SEMA5A: variants seen among roughly 807,000 people sequenced by gnomAD.
The protein encoded by SEMA5A is semaphorin-5A.
SEMA5A carries 55 observed loss-of-function variants against 135.5 expected under a neutral mutation model. The ratio of observed to expected loss-of-function variants is 0.41; its 90% confidence interval spans 0.33 to 0.51. The LOEUF (loss-of-function observed/expected upper bound fraction) is 0.51, where lower values mean the gene tolerates loss of function less well. Ranked by LOEUF, SEMA5A falls within the 20% of genes least tolerant of loss-of-function variation. The pLI is 0.37. For synonymous variants in SEMA5A, 580 were observed against 546.5 expected (o/e 1.06, Z -0.85); for missense variants, 1,290 against 1,419.9 (o/e 0.91, Z 1.47).
chr5:9,424,174 G>GA (rs199716679), intron 2 of SEMA5A, among the ~76,000 whole-genome samples: 242 of 150,874 alleles, frequency 1.6e-3, no homozygotes, highest in Admixed American at 1.8e-3. Flanking sequence ...CTGATTGTGA[G>GA]AAAAAAAAAG....
intron 3 of SEMA5A, among the ~76,000 whole-genome samples, chr5:9,359,137 A>G (rs1754581701): frequency 6.6e-6 from 1 of 152,098 alleles, no homozygotes; most frequent in Non-Finnish European, 1.5e-5. Context: ...GGAATACCAC[A>G]GTAGCAGCTC....
chr5:9,054,045 C>G, intron 19 of SEMA5A, 42 bp downstream of exon 19: 1 of 1,558,404 alleles, frequency 6.4e-7, no homozygotes. Context: ...GGAAAGAGGC[C>G]AATTTGTCTG....
chr5:9,082,333 CT>C (rs1188603748), intron 16 of SEMA5A, among the ~76,000 whole-genome samples: 4 of 152,168 alleles, frequency 2.6e-5, no homozygotes, highest in Non-Finnish European at 5.9e-5. Flanking sequence ...GGAAAATTGT[CT>C]AAAATATCCA....
chr5:9,536,050 A>T (rs1737747098), intron 1 of SEMA5A, among the ~76,000 whole-genome samples: 1 of 152,174 alleles, frequency 6.6e-6, no homozygotes, highest in Admixed American at 6.5e-5. Flanking sequence ...AGCAGCTTGA[A>T]TCCCACAGCA....
rs191808384 is a variant in SEMA5A at position 9,334,586 on chromosome 5, C to T, written c.224+3127G>A. ...CTCACGGGTTATTTTATTTCATCTTCGCAACAGCTGAAAGGGGTAGAAATT... is the reference window on the plus strand; with the variant it reads ...CTCACGGGTTATTTTATTTCATCTTTGCAACAGCTGAAAGGGGTAGAAATT... On this transcript the variant is annotated intron_variant, in intron 4 of 22. Coordinates refer to ENST00000382496, the MANE Select transcript of SEMA5A (RefSeq NM_003966.3). Among the ~76,000 whole-genome samples the T allele has an allele frequency of 3.3e-4, 51 of 152,294 alleles. No individual in the cohort carries two copies. In the East Asian group the frequency reaches 6.4e-3, roughly 19 times the overall value.
At chr5:9,378,507 C>A (rs796539155) in intron 3 of SEMA5A, among the ~76,000 whole-genome samples, 2 of 152,144 alleles carry the variant, frequency 1.3e-5, no homozygotes, top group South Asian at 4.1e-4. Context: ...AAGATCCAAA[C>A]CTGGATCTCA....
chr5:9,457,498 A>G (rs933544728), intron 1 of SEMA5A, among the ~76,000 whole-genome samples: 115 of 152,344 alleles, frequency 7.5e-4, no homozygotes, highest in African/African-American at 2.6e-3. Context: ...TATTATTATC[A>G]TCATAACAAA....
rs1226653130 is a variant in SEMA5A at position 9,202,010 on chromosome 5, T to A, written c.877A>T (p.Ser293Cys). 1 of 1,614,070 alleles carries A rather than the reference T, an allele frequency of 6.2e-7. No homozygotes were observed. Among genetic ancestry groups the A allele is most frequent in the Non-Finnish European group, 8.5e-7 (1 of 1,180,024 alleles). The change falls in exon 9 of 23, where the codon AGT becomes TGT. Residue 293 changes from serine (S) to cysteine (C), a missense_variant. This residue lies in a region of SEMA5A where 1,029 missense variants were observed against 1,086.6 expected (regional missense o/e 0.95). Transcript: ENST00000382496. ...EVPFYYNELQSTFFLPELDLI... is the reference protein window; with the variant it reads ...EVPFYYNELQCTFFLPELDLI... The stretch of plus-strand genomic sequence containing the variant: ...TCCAGCTCAGGCAGGAAGAAAGTAC[T>A]CTGCAATTCGTTGTAGTAAAAGGGG...
At position 9,154,469 on chromosome 5, in the gene SEMA5A, G is replaced by A; in HGVS notation, c.1481+19C>T. 1 of 1,610,512 alleles carries A rather than the reference G, an allele frequency of 6.2e-7. No homozygotes were observed. Among genetic ancestry groups the A allele is most frequent in the Non-Finnish European group, 8.5e-7 (1 of 1,178,772 alleles). On this transcript the variant is annotated intron_variant, in intron 12 of 22. Transcript: ENST00000382496. ...CTTCACACACACACCAGTGCATCCT[G>A]ACCCCGGAGATGCCCTACCTGCGTG...
At chr5:9,275,304 G>A (rs1750199606) in intron 5 of SEMA5A, among the ~76,000 whole-genome samples, 2 of 151,454 alleles carry the variant, frequency 1.3e-5, no homozygotes, top group African/African-American at 4.8e-5. Context: ...TCCTTGAGTA[G>A]ACCAATAACA....
chr5:9,255,827 T>C (rs192447858), intron 5 of SEMA5A, among the ~76,000 whole-genome samples: 9 of 152,308 alleles, frequency 5.9e-5, no homozygotes, highest in Admixed American at 5.2e-4. Context: ...CCTGGGTATA[T>C]TCCTTGGCAT....
intron 2 of SEMA5A, among the ~76,000 whole-genome samples, chr5:9,418,114 C>G (rs1167279516): frequency 6.6e-6 from 1 of 151,936 alleles, no homozygotes; most frequent in Non-Finnish European, 1.5e-5. Context: ...GTAGCTGGGA[C>G]TACAGGTGCC....
At chr5:9,085,256 A>T (rs561299848) in intron 16 of SEMA5A, among the ~76,000 whole-genome samples, 1 of 152,244 alleles carries the variant, frequency 6.6e-6, no homozygotes, top group Non-Finnish European at 1.5e-5. Context: ...AAAAATTTGC[A>T]TAAGTAACAA....
At chr5:9,085,429 G>A (rs927442425) in intron 16 of SEMA5A, among the ~76,000 whole-genome samples, 11 of 152,262 alleles carry the variant, frequency 7.2e-5, no homozygotes, top group African/African-American at 1.9e-4. Context: ...CTAAGGACTC[G>A]GTGTCCTGCA....
intron 2 of SEMA5A, among the ~76,000 whole-genome samples, chr5:9,406,282 T>A (rs1463309522): frequency 2.0e-5 from 3 of 152,212 alleles, no homozygotes; most frequent in African/African-American, 7.2e-5. Context: ...AAAGAAAAGA[T>A]AACACAGGCT....
chr5:9,291,286 C>G (rs971273872), intron 5 of SEMA5A, among the ~76,000 whole-genome samples: 21 of 152,274 alleles, frequency 1.4e-4, no homozygotes, highest in Non-Finnish European at 2.9e-4. Flanking sequence ...AGCAGCATGT[C>G]CCCCACAGGC....
chr5:9,495,137 G>A (rs1366324804), intron 1 of SEMA5A, among the ~76,000 whole-genome samples: 1 of 152,114 alleles, frequency 6.6e-6, no homozygotes, highest in African/African-American at 2.4e-5. Context: ...CATTATTTTA[G>A]GTAAAACAAA....
chr5:9,448,124 C>T (rs911621307), intron 1 of SEMA5A, among the ~76,000 whole-genome samples: 2 of 152,178 alleles, frequency 1.3e-5, no homozygotes, highest in African/African-American at 4.8e-5. Flanking sequence ...AAAAATTCAA[C>T]CCAGGAACTT....
chr5:9,249,119 C>T (rs12716206), intron 5 of SEMA5A, among the ~76,000 whole-genome samples: 63,185 of 152,056 alleles, frequency 0.42, 13,221 homozygotes, highest in South Asian at 0.45. Flanking sequence ...AACATGTCAT[C>T]CCAAAATATG....
Sources: gnomAD v4.1 joint callset for allele counts (sites outside exome capture counted in the v4.1 genomes callset) on GRCh38, gnomAD v4.1.1 for gene constraint, gnomAD v4.1.1 regional missense constraint, MANE v1.5 for transcripts, NCBI Gene and HGNC (gene_info 2026-07-23, HGNC 2026-07-21) for gene names.